RC3H2: variants seen among roughly 807,000 people sequenced by gnomAD.
The protein encoded by RC3H2 is ring finger and CCCH-type domains 2.
RC3H2 carries 31 observed loss-of-function variants against 133.3 expected under a neutral mutation model. The ratio of observed to expected loss-of-function variants is 0.23; its 90% confidence interval spans 0.17 to 0.31. The LOEUF (loss-of-function observed/expected upper bound fraction) is 0.31, where lower values mean the gene tolerates loss of function less well. Ranked by LOEUF, RC3H2 falls within the 10% of genes least tolerant of loss-of-function variation. RC3H2 has a pLI of 1.00. For missense variants in RC3H2, 1,175 were observed against 1,437.2 expected (o/e 0.82, Z 2.95); for synonymous variants, 517 against 502.2 (o/e 1.03, Z -0.40).
intron 1 of RC3H2, among the ~76,000 whole-genome samples, chr9:122,901,320 T>C (rs1832638784): frequency 6.6e-6 from 1 of 152,200 alleles, no homozygotes; most frequent in Admixed American, 6.5e-5. Flanking sequence ...ATTAGTTTTG[T>C]TCTTAAAAAA....
chr9:122,877,486 T>C lies in RC3H2; in HGVS notation c.1310A>G (p.Gln437Arg), dbSNP rs1050810974. The C allele has an allele frequency of 6.2e-7, 1 of 1,613,708 alleles. No individual in the cohort carries two copies. Among genetic ancestry groups the C allele is most frequent in the Non-Finnish European group, 8.5e-7 (1 of 1,179,786 alleles). ...CAACACTTACTTTTCAAGCTCTTCC[T>C]GAGAATGGGCAAATGTACAATTTGT... ...RGTNCTFAHSQEELEKYRLRN... is the reference protein window; with the variant it reads ...RGTNCTFAHSREELEKYRLRN... Residue 437 changes from glutamine to arginine, a missense_variant, in exon 9 of 21, where the codon CAG becomes CGG. Coordinates refer to ENST00000357244, the MANE Select transcript of RC3H2 (RefSeq NM_001100588.3).
chr9:122,860,906 G>A (rs1176271451), intron 10 of RC3H2, among the ~76,000 whole-genome samples: 1 of 152,102 alleles, frequency 6.6e-6, no homozygotes, highest in African/African-American at 2.4e-5. Context: ...AACTCCTTGA[G>A]GAAAGGCCAC....
chr9:122,894,790 G>T (rs1832347658), intron 2 of RC3H2, among the ~76,000 whole-genome samples: 2 of 152,094 alleles, frequency 1.3e-5, no homozygotes, highest in South Asian at 4.1e-4. Context: ...TGAGGCAGGA[G>T]AATCACTTGA....
chr9:122,855,811 C>A lies in RC3H2; in HGVS notation c.2522G>T (p.Cys841Phe). 6.2e-7 allele frequency: 1 copy of A among 1,613,628 alleles called. No individual in the cohort carries two copies. Among genetic ancestry groups the A allele is most frequent in the South Asian group, 1.1e-5 (1 of 91,038 alleles). ...ATTTATACAGGAGCCTATGGTGCCA[C>A]AAGACCAGGGAGAATAATGGGAAAG... ...DHLSHYSPWS[C>F]GTIGSCINAI... The change falls in exon 14 of 21, where the codon TGT becomes TTT. Residue 841 changes from cysteine (C) to phenylalanine (F), a missense_variant. This residue lies in a region of RC3H2 where 490 missense variants were observed against 492.8 expected (regional missense o/e 0.99). Coordinates refer to ENST00000357244, the MANE Select transcript of RC3H2 (RefSeq NM_001100588.3).
At chr9:122,866,638 C>A (rs897969157) in intron 9 of RC3H2, among the ~76,000 whole-genome samples, 1 of 152,096 alleles carries the variant, frequency 6.6e-6, no homozygotes, top group South Asian at 2.1e-4. Context: ...AGCTCCTAGC[C>A]GCGAGTGATC....
At chr9:122,884,336 G>A (rs1183195081) in intron 4 of RC3H2, among the ~76,000 whole-genome samples, 1 of 152,072 alleles carries the variant, frequency 6.6e-6, no homozygotes. Flanking sequence ...ACAATGATAT[G>A]CAAAGGACCC....
intron 10 of RC3H2, among the ~76,000 whole-genome samples, chr9:122,863,375 C>T (rs1166967285): frequency 6.6e-6 from 1 of 152,162 alleles, no homozygotes; most frequent in East Asian, 1.9e-4. Flanking sequence ...AATCTGGCAC[C>T]AACCTATCTA....
At chr9:122,865,243 G>T in intron 10 of RC3H2, 106 bp downstream of exon 10, 1 of 1,013,894 alleles carries the variant, frequency 9.9e-7, no homozygotes, top group Non-Finnish European at 1.4e-6. Flanking sequence ...AAAATATTCT[G>T]CATAAAAATT....
intron 4 of RC3H2, among the ~76,000 whole-genome samples, chr9:122,888,803 T>C (rs1423592767): frequency 6.6e-6 from 1 of 152,228 alleles, no homozygotes; most frequent in East Asian, 1.9e-4. Context: ...GTATGCATTC[T>C]GTACCTTCTG....
intron 5 of RC3H2, among the ~76,000 whole-genome samples, chr9:122,881,383 G>A (rs1368138952): frequency 2.7e-5 from 4 of 150,698 alleles, no homozygotes; most frequent in Admixed American, 6.6e-5. Context: ...CCACCTACTC[G>A]GGAGGCAGAG....
In RC3H2 at chr9:122,865,409, C is replaced by A; in HGVS notation, c.1574G>T (p.Gly525Val). ...ATTCTGACCATTAGCGCCAACCTTT[C>A]CCACTTTCTTCACGGTCTCCAGAGC... ...LRALETVKKV[G>V]KVGANGQNAA... Residue 525 changes from glycine to valine, a missense_variant, in exon 10 of 21, where the codon GGA (glycine) becomes GTA (valine). Physicochemically the swap from Gly to Val is moderately radical, Grantham distance 109. Coordinates refer to ENST00000357244, the MANE Select transcript of RC3H2 (RefSeq NM_001100588.3). The A allele has an allele frequency of 1.2e-6, 2 of 1,614,186 alleles. No homozygotes were observed. The highest frequency in any genetic ancestry group is 1.7e-6 in the Non-Finnish European group (2 of 1,180,010).
chr9:122,900,835 G>C (rs1832622975), intron 1 of RC3H2, among the ~76,000 whole-genome samples: 1 of 152,090 alleles, frequency 6.6e-6, no homozygotes, highest in African/African-American at 2.4e-5. Flanking sequence ...TTAGTTACCA[G>C]TTACAAAAAT....
Position 122,849,517 on chromosome 9 carries a change from A to G in RC3H2, c.*110T>C, listed in dbSNP as rs1193637985. 1.7e-5 allele frequency: 6 copies of G among 352,930 alleles called. No individual in the cohort carries two copies. The highest frequency in any genetic ancestry group is 9.9e-4 in the Middle Eastern group (1 of 1,012). The allele number at this position is 352,930 out of a possible 1,614,324, so 21.9% of individuals were successfully genotyped here. On this transcript the variant is annotated 3_prime_UTR_variant, in exon 21 of 21. Transcript: ENST00000357244. ...CCACAGGAAATGGATGCCCCCAGTA[A>G]TATCTTTTTTTTAAAAAAAATATAC...
At chr9:122,863,028 T>G (rs1310715794) in intron 10 of RC3H2, among the ~76,000 whole-genome samples, 2 of 152,220 alleles carry the variant, frequency 1.3e-5, no homozygotes, top group Non-Finnish European at 2.9e-5. Flanking sequence ...CCACTAATTC[T>G]GAAACATTTT....
chr9:122,893,352 G>A lies in RC3H2; in HGVS notation c.232-326C>T, dbSNP rs572516412. Among the ~76,000 whole-genome samples, 98 of 152,246 alleles carry A rather than the reference G, an allele frequency of 6.4e-4. No homozygotes were observed. In the Middle Eastern group the frequency reaches 0.014, roughly 21 times the overall value. ...TACTAAAAACTACAAAAATTAGCCA[G>A]GTGTGGTGGTGGATGCCTGTGATTC... On this transcript the variant is annotated intron_variant, in intron 2 of 20. Coordinates refer to ENST00000357244, the MANE Select transcript of RC3H2 (RefSeq NM_001100588.3).
chr9:122,867,485 C>T (rs915748789), intron 9 of RC3H2, among the ~76,000 whole-genome samples: 28 of 146,944 alleles, frequency 1.9e-4, no homozygotes, highest in African/African-American at 6.3e-4. Context: ...CCCGGCCAGC[C>T]GCCCTGTCGG....
At position 122,845,922 on chromosome 9, in the gene RC3H2, GAC is replaced by G. The variant is rs1011522076; in HGVS notation, c.*3703_*3704del. 9 of 152,144 alleles carry G rather than the reference GAC, an allele frequency of 5.9e-5. No individual in the cohort carries two copies. Among genetic ancestry groups the G allele is most frequent in the African/African-American group, 2.2e-4 (9 of 41,430 alleles). 9.4% of individuals were successfully genotyped at this position (152,144 alleles called of 1,614,324 possible). ...TTAATGCTTAGTTATCAATACTGGT[GAC>G]AGTCTGCTCCAAAAATGACTCAAAG... On this transcript the variant is annotated 3_prime_UTR_variant, in exon 21 of 21. Coordinates refer to ENST00000357244, the MANE Select transcript of RC3H2 (RefSeq NM_001100588.3).
At position 122,854,100 on chromosome 9, in the gene RC3H2, G is replaced by T; in HGVS notation, c.2983-14C>A. ...GTTGCTCTTGGCCTATATGAGGAGG[G>T]AAAAAAAGAAAAGTTAGCTTCCAAC... On this transcript the variant is annotated splice_polypyrimidine_tract_variant and intron_variant, in intron 17 of 20. Coordinates refer to ENST00000357244, the MANE Select transcript of RC3H2 (RefSeq NM_001100588.3). 1 of 1,609,098 alleles carries T rather than the reference G, an allele frequency of 6.2e-7. No homozygotes were observed.
At chr9:122,901,682 C>A (rs1284851850) in intron 1 of RC3H2, among the ~76,000 whole-genome samples, 2 of 150,822 alleles carry the variant, frequency 1.3e-5, no homozygotes. Flanking sequence ...ACCTCCGCCT[C>A]CCGGTTTCAT....
Sources: gnomAD v4.1 joint callset for allele counts (sites outside exome capture counted in the v4.1 genomes callset) on GRCh38, gnomAD v4.1.1 for gene constraint, gnomAD v4.1.1 regional missense constraint, MANE v1.5 for transcripts, NCBI Gene and HGNC (gene_info 2026-07-23, HGNC 2026-07-21) for gene names.